Variants in ATP11C observed in about 807,000 individuals in gnomAD.
ATP11C encodes ATPase phospholipid transporting 11C (ATP11C blood group).
Under a neutral mutation model 97.4 loss-of-function variants are expected in ATP11C, and 36 were observed. The ratio of observed to expected loss-of-function variants is 0.37; its 90% CI spans 0.28 to 0.49. The LOEUF (loss-of-function observed/expected upper bound fraction) is 0.49. Ranked by LOEUF, ATP11C falls within the 20% of genes least tolerant of loss-of-function variation. The probability of loss-of-function intolerance (pLI) is 0.98; values close to 1 mark genes in which losing one functional copy is unlikely to be tolerated. For missense variants in ATP11C, 730 were observed against 824.6 expected (o/e 0.89, Z 1.40); for synonymous variants, 275 against 290.9 (o/e 0.95, Z 0.56).
chrX:139,899,393 C>T (rs1357376136), intron 1 of ATP11C, among the ~76,000 whole-genome samples: 1 of 108,807 alleles, frequency 9.2e-6, no homozygotes, highest in Non-Finnish European at 1.9e-5. Flanking sequence ...AGGAGAATTG[C>T]TTGCACCTGA....
At chrX:139,905,267 G>T (rs2084956873) in intron 1 of ATP11C, among the ~76,000 whole-genome samples, 1 of 112,229 alleles carries the variant, frequency 8.9e-6, no homozygotes, top group Admixed American at 9.5e-5. Context: ...TAGGATGACA[G>T]ATCAAATGTT....
intron 1 of ATP11C, among the ~76,000 whole-genome samples, chrX:139,929,229 G>A (rs756294911): frequency 2.5e-4 from 28 of 111,332 alleles, no homozygotes; most frequent in Middle Eastern, 4.6e-3. Flanking sequence ...AATCCTTTAG[G>A]ACACCCTCTA....
At chrX:139,845,359 C>T (rs965393860) in intron 1 of ATP11C, among the ~76,000 whole-genome samples, 2 of 112,223 alleles carry the variant, frequency 1.8e-5, no homozygotes, top group Non-Finnish European at 3.8e-5. Context: ...GAAACCACCA[C>T]AAATGTTTCT....
upstream of ATP11C, among the ~76,000 whole-genome samples, chrX:139,936,715 A>T (rs2085516162): frequency 9.0e-6 from 1 of 110,512 alleles, no homozygotes; most frequent in African/African-American, 3.3e-5. Flanking sequence ...AATCTTCCAT[A>T]CCTTCTACCT....
At chrX:139,753,471 A>C (rs1193326348) in intron 23 of ATP11C, among the ~76,000 whole-genome samples, 3 of 111,780 alleles carry the variant, frequency 2.7e-5, no homozygotes, top group African/African-American at 9.8e-5. Context: ...CAGCTAAGGA[A>C]GTGTTAAGAG....
intron 5 of ATP11C, among the ~76,000 whole-genome samples, chrX:139,811,164 G>T (rs925654822): frequency 5.4e-5 from 6 of 110,789 alleles, no homozygotes; most frequent in African/African-American, 2.0e-4. Context: ...TATTTCGGAC[G>T]CCAAAAAATA....
At chrX:139,927,033 A>G (rs987122424) in intron 1 of ATP11C, among the ~76,000 whole-genome samples, 1 of 112,356 alleles carries the variant, frequency 8.9e-6, no homozygotes, top group Non-Finnish European at 1.9e-5. Flanking sequence ...ATCTATTTTT[A>G]GTAGAAAGAA....
chrX:139,907,606 G>A (rs2085001627), intron 1 of ATP11C, among the ~76,000 whole-genome samples: 1 of 109,952 alleles, frequency 9.1e-6, no homozygotes, highest in Admixed American at 9.7e-5. Context: ...AAATTAGCCG[G>A]GCATGGTGGT....
intron 1 of ATP11C, among the ~76,000 whole-genome samples, chrX:139,922,657 T>C (rs900673833): frequency 5.4e-5 from 6 of 111,134 alleles, no homozygotes; most frequent in African/African-American, 2.0e-4. Flanking sequence ...GTCACCAGTC[T>C]GCGACGTGAA....
intron 19 of ATP11C, among the ~76,000 whole-genome samples, chrX:139,771,416 C>A (rs756727752): frequency 3.6e-5 from 4 of 111,144 alleles, no homozygotes; most frequent in Non-Finnish European, 7.5e-5. Flanking sequence ...TAAATTGGTA[C>A]CAGTAGAGTG....
At chrX:139,753,777 A>C (rs67057473) in intron 23 of ATP11C, among the ~76,000 whole-genome samples, 21,069 of 110,073 alleles carry the variant, frequency 0.19, 3,554 homozygotes, top group African/African-American at 0.54. Flanking sequence ...CCACTGCATT[A>C]CAGCCTGGGT....
intron 5 of ATP11C, among the ~76,000 whole-genome samples, chrX:139,812,135 A>C (rs1022647658): frequency 1.2e-4 from 13 of 111,172 alleles, no homozygotes; most frequent in African/African-American, 3.0e-4. Context: ...TCTTGCTCAA[A>C]AGGAGTCTCA....
chrX:139,732,229 C>T (rs958668182), intron 28 of ATP11C, among the ~76,000 whole-genome samples: 3 of 110,962 alleles, frequency 2.7e-5, no homozygotes, highest in Non-Finnish European at 5.7e-5. Context: ...ACTACAGACC[C>T]GTAGTCCAAG....
At chrX:139,777,713 T>C (rs2082375501) in intron 18 of ATP11C, among the ~76,000 whole-genome samples, 1 of 110,468 alleles carries the variant, frequency 9.1e-6, no homozygotes, top group African/African-American at 3.3e-5. Context: ...CCAAGGCATA[T>C]AGTCATCAGA....
intron 1 of ATP11C, among the ~76,000 whole-genome samples, chrX:139,852,659 G>A (rs1415732563): frequency 1.8e-5 from 2 of 109,736 alleles, no homozygotes; most frequent in African/African-American, 6.6e-5. Flanking sequence ...GGTGTTGTGT[G>A]GATGGTGACA....
chrX:139,914,914 A>G (rs762413821), intron 1 of ATP11C, among the ~76,000 whole-genome samples: 1 of 111,885 alleles, frequency 8.9e-6, no homozygotes, highest in African/African-American at 3.3e-5. Flanking sequence ...GGAGAATCCT[A>G]ATAACCAAAT....
chrX:139,835,246 A>G (rs1474818226), intron 1 of ATP11C, among the ~76,000 whole-genome samples: 1 of 112,002 alleles, frequency 8.9e-6, no homozygotes, highest in Non-Finnish European at 1.9e-5. Context: ...CTAAAGCTTA[A>G]TAAAGAGAGG....
intron 1 of ATP11C, among the ~76,000 whole-genome samples, chrX:139,830,095 A>AT (rs2083613832): frequency 8.9e-6 from 1 of 112,352 alleles, no homozygotes; most frequent in Non-Finnish European, 1.9e-5. Context: ...GATCTGAAAT[A>AT]AAGCCTACCT....
intron 1 of ATP11C, among the ~76,000 whole-genome samples, chrX:139,902,674 GCTAA>G (rs1248924514): frequency 7.2e-5 from 8 of 111,196 alleles, no homozygotes; most frequent in Admixed American, 1.9e-4. Flanking sequence ...CAAAATTGGG[GCTAA>G]CTGTGATTGC....
Sources: allele counts gnomAD v4.1 joint callset (sites outside exome capture counted in the v4.1 genomes callset), GRCh38; gene constraint gnomAD v4.1.1; transcripts MANE v1.5; gene names NCBI Gene and HGNC (gene_info 2026-07-23, HGNC 2026-07-21).